The following PIGU variants were observed in gnomAD, a reference collection of about 807,000 sequenced individuals.
The protein encoded by PIGU is GPI-anchor transamidase component PIGU.
A neutral mutation model predicts 49.9 loss-of-function variants in PIGU; 24 were observed. The ratio of observed to expected loss-of-function variants is 0.48; its 90% confidence interval spans 0.35 to 0.68. PIGU has a LOEUF of 0.68. Ranked by LOEUF, PIGU falls within the 30% of genes least tolerant of loss-of-function variation. The pLI is 0.01. For missense variants in PIGU, 490 were observed against 532.6 expected (o/e 0.92, Z 0.79); for synonymous variants, 220 against 205.7 (o/e 1.07, Z -0.59).
chr20:34,676,228 C>T (rs764000916), intron 1 of PIGU, among the ~76,000 whole-genome samples: 44 of 152,110 alleles, frequency 2.9e-4, no homozygotes, highest in South Asian at 6.2e-4. Flanking sequence ...CAGCTCAAAT[C>T]CCACATTCTG....
intron 11 of PIGU, among the ~76,000 whole-genome samples, chr20:34,564,217 A>G (rs1262627401): frequency 1.3e-5 from 2 of 152,228 alleles, no homozygotes; most frequent in African/African-American, 2.4e-5. Context: ...ATAGTAACGT[A>G]TCAGGGTGAG....
At chr20:34,659,439 C>T (rs1600668079) in intron 1 of PIGU, among the ~76,000 whole-genome samples, 1 of 149,552 alleles carries the variant, frequency 6.7e-6, no homozygotes, top group East Asian at 2.0e-4. Context: ...GGGGGGTCAG[C>T]CCCCGGCCCG....
intron 6 of PIGU, among the ~76,000 whole-genome samples, chr20:34,627,179 C>T (rs757624072): frequency 4.6e-5 from 7 of 152,102 alleles, no homozygotes; most frequent in Admixed American, 1.3e-4. Context: ...GCTGGGATCT[C>T]ATAACAAATA....
At chr20:34,591,958 C>T (rs536248294) in intron 7 of PIGU, among the ~76,000 whole-genome samples, 3 of 152,064 alleles carry the variant, frequency 2.0e-5, no homozygotes, top group Admixed American at 6.6e-5. Context: ...GAGGCCGAAG[C>T]GGGTGGATCG....
chr20:34,651,360 AATTTCTG>A (rs1457379004), intron 2 of PIGU, among the ~76,000 whole-genome samples: 1 of 152,190 alleles, frequency 6.6e-6, no homozygotes, highest in Non-Finnish European at 1.5e-5. Context: ...CTAGCCAGCC[AATTTCTG>A]TTCTGCTTCT....
At chr20:34,650,698 CTCTTTTT>C (rs1986508488) in intron 2 of PIGU, among the ~76,000 whole-genome samples, 1 of 43,950 alleles carries the variant, frequency 2.3e-5, no homozygotes, top group Non-Finnish European at 4.8e-5. Context: ...TTCTTTTTTT[CTCTTTTT>C]TTTTTTTTTT....
intron 1 of PIGU, among the ~76,000 whole-genome samples, chr20:34,667,105 G>A (rs1449378172): frequency 6.6e-6 from 1 of 152,146 alleles, no homozygotes; most frequent in Non-Finnish European, 1.5e-5. Context: ...GCCTCCCAAA[G>A]TGCTAAGATT....
chr20:34,625,143 G>A (rs6088547), intron 6 of PIGU, among the ~76,000 whole-genome samples: 57,097 of 151,662 alleles, frequency 0.38, 11,142 homozygotes, highest in Admixed American at 0.54. Flanking sequence ...AGGCCAAGGC[G>A]GGTGGATCAC....
chr20:34,659,339 G>A (rs1188235611), intron 1 of PIGU, among the ~76,000 whole-genome samples: 6 of 143,086 alleles, frequency 4.2e-5, no homozygotes, highest in Non-Finnish European at 7.7e-5. Context: ...CGCCCCGTCC[G>A]GGAGGTGAGG....
At chr20:34,647,562 AT>A (rs912841747) in intron 2 of PIGU, among the ~76,000 whole-genome samples, 2 of 150,512 alleles carry the variant, frequency 1.3e-5, no homozygotes, top group African/African-American at 2.4e-5. Flanking sequence ...GCCCGGCCTA[AT>A]TTTTTTTTGT....
chr20:34,657,811 A>G (rs927468047), intron 1 of PIGU, among the ~76,000 whole-genome samples: 32 of 152,186 alleles, frequency 2.1e-4, no homozygotes, highest in Non-Finnish European at 2.4e-4. Flanking sequence ...ACAATTAGAA[A>G]TAATCTGAAT....
intron 5 of PIGU, among the ~76,000 whole-genome samples, chr20:34,636,151 T>A (rs879510251): frequency 2.2e-4 from 33 of 150,546 alleles, no homozygotes; most frequent in Non-Finnish European, 4.3e-4. Flanking sequence ...CAGTGAGCCG[T>A]GACTGTACCA....
At chr20:34,644,056 TC>T (rs1986250922) in intron 4 of PIGU, 107 bp downstream of exon 4, 1 of 1,041,436 alleles carries the variant, frequency 9.6e-7, no homozygotes, top group African/African-American at 1.6e-5. Flanking sequence ...CACCATCACT[TC>T]CTAGCACTTT....
intron 11 of PIGU, among the ~76,000 whole-genome samples, chr20:34,572,959 G>T (rs992323220): frequency 6.6e-6 from 1 of 152,198 alleles, no homozygotes. Context: ...CGTCTGCAGA[G>T]GAGTAGAAAA....
intron 1 of PIGU, among the ~76,000 whole-genome samples, chr20:34,673,707 G>A (rs1408191038): frequency 3.3e-5 from 5 of 152,086 alleles, no homozygotes; most frequent in South Asian, 2.1e-4. Context: ...GGATTATCTC[G>A]TTGAACAGGA....
intron 7 of PIGU, among the ~76,000 whole-genome samples, chr20:34,589,663 T>C (rs1343633988): frequency 5.5e-5 from 8 of 145,950 alleles, no homozygotes; most frequent in Non-Finnish European, 1.2e-4. Flanking sequence ...TTTTTTTTTT[T>C]TTTTTTTTTT....
chr20:34,627,595 AT>A (rs954378621), intron 6 of PIGU, among the ~76,000 whole-genome samples: 2 of 151,936 alleles, frequency 1.3e-5, no homozygotes, highest in African/African-American at 4.8e-5. Context: ...ATACTTTTAC[AT>A]TTTTACGAGC....
chr20:34,576,242 T>C (rs996566449), intron 10 of PIGU, among the ~76,000 whole-genome samples: 2 of 152,002 alleles, frequency 1.3e-5, no homozygotes, highest in African/African-American at 4.8e-5. Flanking sequence ...ATAAAAAATG[T>C]TTAAAAATAA....
intron 2 of PIGU, among the ~76,000 whole-genome samples, chr20:34,650,510 C>CA (rs1986498858): frequency 6.6e-6 from 1 of 151,964 alleles, no homozygotes; most frequent in Admixed American, 6.6e-5. Flanking sequence ...CTCAAGTGAT[C>CA]TGCCCATCTT....
Sources: gnomAD v4.1 joint callset for allele counts (sites outside exome capture counted in the v4.1 genomes callset) on GRCh38, gnomAD v4.1.1 for gene constraint, MANE v1.5 for transcripts, NCBI Gene and HGNC (gene_info 2026-07-23, HGNC 2026-07-21) for gene names.